Variants in EVPLL observed in about 807,000 individuals in gnomAD.
EVPLL encodes the protein envoplakin-like protein.
Under a neutral mutation model 46.2 loss-of-function variants are expected in EVPLL, and 39 were observed. The ratio of observed to expected loss-of-function variants is 0.84; its 90% CI spans 0.65 to 1.10. EVPLL has a LOEUF of 1.10. Ranked by LOEUF, EVPLL falls within the 50% of genes least tolerant of loss-of-function variation. The pLI is 0.00. For missense variants in EVPLL, 385 were observed against 412.6 expected (o/e 0.93, Z 0.58); for synonymous variants, 156 against 165.8 (o/e 0.94, Z 0.46).
Position 18,383,604 on chromosome 17 carries a change from C to T in EVPLL, c.876+17C>T. The T allele has an allele frequency of 1.3e-6, 1 of 786,868 alleles. No homozygotes were observed. The highest frequency in any genetic ancestry group is 1.8e-6 in the Non-Finnish European group (1 of 545,256). The allele number at this position is 786,868 out of a possible 1,614,324, so 48.7% of individuals were successfully genotyped here. On this transcript the variant is annotated intron_variant, in intron 9 of 10. Transcript: ENST00000399134. Reference sequence around the variant, plus strand: ...TACAGCCGGGTGAGCCCTCGGGCAGCGGCAGGGCGGCAGGGCGGCAGGGCG... The same window carrying T: ...TACAGCCGGGTGAGCCCTCGGGCAGTGGCAGGGCGGCAGGGCGGCAGGGCG...
In EVPLL at chr17:18,381,059, T is replaced by C. The variant is rs1598094911; in HGVS notation, c.63+59T>C. 1 of 1,541,470 alleles carries C rather than the reference T, an allele frequency of 6.5e-7. No individual in the cohort carries two copies. Among genetic ancestry groups the C allele is most frequent in the East Asian group, 2.4e-5 (1 of 40,864 alleles). On this transcript the variant is annotated intron_variant, in intron 2 of 10. Coordinates refer to ENST00000399134, the MANE Select transcript of EVPLL (RefSeq NM_001145127.2). This position sits in a 1 kb window ranked among gnomAD's most constrained non-coding sequence, Gnocchi z 4.2. ...CAGGCTGGGTGGCATGGGAGGCCCA[T>C]CATCAGGCCTGGCACTCCCTGAGTG...
intron 9 of EVPLL, 190 bp from the exon 10 acceptor site, chr17:18,388,027 CAT>C (rs1254660225): frequency 6.3e-3 from 534 of 84,516 alleles, no homozygotes; most frequent in East Asian, 0.014. Flanking sequence ...TCTCTCTCTC[CAT>C]ATATATATAT....
chr17:18,383,430 G>A (rs541676494), intron 8 of EVPLL, 52 bp downstream of exon 8: 2 of 1,544,536 alleles, frequency 1.3e-6, no homozygotes, highest in East Asian at 2.4e-5. Context: ...GCGGGGAAGG[G>A]GGGGGTGGAC....
At chr17:18,384,869 C>T (rs1011849643) in intron 9 of EVPLL, among the ~76,000 whole-genome samples, 1 of 152,158 alleles carries the variant, frequency 6.6e-6, no homozygotes, top group African/African-American at 2.4e-5. Context: ...GTGCTCCTCC[C>T]ACTCACTGGC....
chr17:18,381,291 C>G lies in EVPLL; in HGVS notation c.64-76C>G. The G allele has an allele frequency of 6.8e-7, 1 of 1,473,350 alleles. No individual in the cohort carries two copies. The highest frequency in any genetic ancestry group is 9.0e-7 in the Non-Finnish European group (1 of 1,111,066). The allele number at this position is 1,473,350 out of a possible 1,614,324, so 91.3% of individuals were successfully genotyped here. ...CATAGCTGGGGTCCCAAAGGTGGGG[C>G]TCAGGCCCACAATGATGGGCAGCAG... is the stretch of plus-strand genomic sequence containing the variant. On this transcript the variant is annotated intron_variant, in intron 2 of 10. Transcript: ENST00000399134. This position sits in a 1 kb window ranked among gnomAD's most constrained non-coding sequence, Gnocchi z 4.2.
rs570145 is a variant in EVPLL, at chr17:18,380,948, G to A, written c.11G>A (p.Ser4Asn). The A allele has an allele frequency of 0.59, 942,887 of 1,592,840 alleles. 283,598 individuals are homozygous for A. Among genetic ancestry groups the A allele is most frequent in the African/African-American group, 0.71 (52,990 of 74,406 alleles). The stretch of plus-strand genomic sequence containing the variant: ...CTGCTCATCTCCCACATGCAAGCCA[G>A]CGCCGACCAGGTGGAGCGGGACATC... Reference protein sequence around the residue: MQASADQVERDILE... With the variant: MQANADQVERDILE... The change falls in exon 2 of 11, where the codon AGC (serine) becomes AAC (asparagine). Residue 4 changes from serine (S) to asparagine (N), a missense_variant. Physicochemically the swap from Ser to Asn is conservative, Grantham distance 46 (BLOSUM62 1). Transcript: ENST00000399134.
At position 18,382,603 on chromosome 17, in the gene EVPLL, G is replaced by A. The variant is rs1346120196; in HGVS notation, c.437G>A (p.Arg146Gln). ...CAACATCGTGCAGAAGGAGATCAACGACCAAGGAGAGCAGCTGCGGAGCCT... is the reference window on the plus strand; with the variant it reads ...CAACATCGTGCAGAAGGAGATCAACAACCAAGGAGAGCAGCTGCGGAGCCT... The part of the protein sequence containing the change: ...GAQHRAEGDQ[R>Q]PRRAAAEPGG... Residue 146 changes from arginine (R) to glutamine (Q), a missense_variant, in exon 5 of 11, where the codon CGA (arginine) becomes CAA (glutamine). By Grantham distance (43) the Arg-to-Gln change is conservative. Coordinates refer to ENST00000399134, the MANE Select transcript of EVPLL (RefSeq NM_001145127.2). 3.2e-6 allele frequency: 5 copies of A among 1,551,940 alleles called. No homozygotes were observed. The South Asian group carries it at 4.8e-5, about 15-fold the overall frequency.
rs182498101 is a variant in EVPLL at position 18,383,140 on chromosome 17, G to A, written c.627G>A (p.Trp209Ter). The A allele has an allele frequency of 1.3e-3, 2,071 of 1,552,052 alleles. 21 individuals carry two copies. In the African/African-American group the frequency reaches 0.025, roughly 19 times the overall value. Residue 209 changes from tryptophan (W) to a stop codon, truncating the protein, a stop_gained, in exon 7 of 11, where the codon TGG (tryptophan) becomes TGA (stop). Transcript: ENST00000399134. LOFTEE classifies it high-confidence loss of function. ...EQQRRILQQD[W>*]SDLMADPAGV... Reference sequence around the variant, plus strand: ...AGCGCCGCATCCTGCAGCAGGACTGGAGCGACCTCATGGCCGACCCTGCGG... The same window carrying A: ...AGCGCCGCATCCTGCAGCAGGACTGAAGCGACCTCATGGCCGACCCTGCGG...
chr17:18,378,108 C>T (rs1041892986), intron 1 of EVPLL, 125 bp downstream of exon 1: 10 of 366,374 alleles, frequency 2.7e-5, no homozygotes, highest in African/African-American at 1.9e-4. Context: ...TTTGGTGTCC[C>T]GAGGACAAAG....
At position 18,383,590 on chromosome 17, in the gene EVPLL, G is replaced by A. The variant is rs1401408142; in HGVS notation, c.876+3G>A. 4 of 1,187,380 alleles carry A rather than the reference G, an allele frequency of 3.4e-6. No individual in the cohort carries two copies. The highest frequency in any genetic ancestry group is 4.4e-6 in the Non-Finnish European group (4 of 905,270). 73.6% of individuals were successfully genotyped at this position (1,187,380 alleles called of 1,614,324 possible). A position where few individuals can be genotyped will look rare whatever the true frequency, so the allele number is the denominator to read the frequency against. On this transcript the variant is annotated splice_donor_region_variant and intron_variant, in intron 9 of 10. Transcript: ENST00000399134. ...AGCACGTGGAGGACTACAGCCGGGTGAGCCCTCGGGCAGCGGCAGGGCGGC... is the reference window on the plus strand; with the variant it reads ...AGCACGTGGAGGACTACAGCCGGGTAAGCCCTCGGGCAGCGGCAGGGCGGC...
chr17:18,381,577 T>G lies in EVPLL; in HGVS notation c.219-26T>G. The G allele has an allele frequency of 6.2e-7, 1 of 1,613,960 alleles. No individual in the cohort carries two copies. The highest frequency in any genetic ancestry group is 8.5e-7 in the Non-Finnish European group (1 of 1,179,956). The stretch of plus-strand genomic sequence containing the variant: ...CCTGGGGAAGACCCAGGCCCAGCCC[T>G]GACCTGCTGGCCACCTTCTTGACAG... On this transcript the variant is annotated intron_variant, in intron 3 of 10. Coordinates refer to ENST00000399134, the MANE Select transcript of EVPLL (RefSeq NM_001145127.2). The surrounding 1 kb of genome is among the most constrained non-coding windows in gnomAD (Gnocchi z 4.2).
Position 18,382,494 on chromosome 17 carries a change from G to A in EVPLL, c.347-19G>A, listed in dbSNP as rs1216032994. ...TCCACCCTGGTCCTGTGGTGACTGA[G>A]CCGCCGGCTCTCCTGCAGAAGCTGG... On this transcript the variant is annotated intron_variant, in intron 4 of 10. Transcript: ENST00000399134. 1 of 1,551,384 alleles carries A rather than the reference G, an allele frequency of 6.4e-7. No homozygotes were observed.
chr17:18,382,482 T>A, intron 4 of EVPLL, 31 bp from the exon 5 acceptor site: 1 of 1,550,934 alleles, frequency 6.4e-7, no homozygotes, highest in Admixed American at 2.0e-5. Context: ...ACCCTGGTCC[T>A]GTGGTGACTG....
At position 18,381,395 on chromosome 17, in the gene EVPLL, C is replaced by A. The variant is rs775094742; in HGVS notation, c.92C>A (p.Ala31Asp). 14 of 1,589,820 alleles carry A rather than the reference C, an allele frequency of 8.8e-6. No individual in the cohort carries two copies. The highest frequency in any genetic ancestry group is 1.1e-5 in the Non-Finnish European group (13 of 1,169,214). ...QDRLNSEQSQ[A>D]LQHQQETGSS... ...CGGCTGAACAGTGAGCAGAGCCAGG[C>A]CCTGCAGCACCAGCAGGAGACGGGC... The change falls in exon 3 of 11, where the codon GCC becomes GAC. Residue 31 changes from alanine to aspartate, a missense_variant. Physicochemically the swap from Ala to Asp is moderately radical, Grantham distance 126. Transcript: ENST00000399134. This position sits in a 1 kb window ranked among gnomAD's most constrained non-coding sequence, Gnocchi z 4.2.
chr17:18,378,041 C>A, intron 1 of EVPLL, 58 bp downstream of exon 1: 1 of 523,568 alleles, frequency 1.9e-6, no homozygotes, highest in Non-Finnish European at 3.1e-6. Flanking sequence ...GTGCCAGGCC[C>A]AGGTCCTTGA....
chr17:18,383,218 C>G, intron 7 of EVPLL, 33 bp downstream of exon 7: 1 of 1,546,178 alleles, frequency 6.5e-7, no homozygotes, highest in Non-Finnish European at 8.7e-7. Context: ...CAGGCGGGGG[C>G]GACCAGGGCC....
chr17:18,381,834 T>G lies in EVPLL; in HGVS notation c.346+104T>G, dbSNP rs2151628135. 6.4e-7 allele frequency: 1 copy of G among 1,556,272 alleles called. No homozygotes were observed. On this transcript the variant is annotated intron_variant, in intron 4 of 10. Transcript: ENST00000399134. The surrounding 1 kb of genome is among the most constrained non-coding windows in gnomAD (Gnocchi z 4.2). ...CTTGAACAGTCAGTGTATAGTGGTGTCTCAGGGGTCTGGGCAGGGAGACAG... is the reference window on the plus strand; with the variant it reads ...CTTGAACAGTCAGTGTATAGTGGTGGCTCAGGGGTCTGGGCAGGGAGACAG...
intron 7 of EVPLL, 26 bp from the exon 8 acceptor site, chr17:18,383,245 C>T (rs765539127): frequency 3.3e-5 from 51 of 1,558,394 alleles, no homozygotes; most frequent in Non-Finnish European, 4.4e-5. Context: ...GTCCTCACCG[C>T]CGCTCCCCAC....
intron 1 of EVPLL, chr17:18,379,901 A>C (rs1302594900): frequency 1.3e-5 from 2 of 152,400 alleles, no homozygotes; most frequent in East Asian, 1.9e-4. Context: ...ACGAGTGAGG[A>C]ACCTCAGGCA....
Sources: allele counts gnomAD v4.1 joint callset (sites outside exome capture counted in the v4.1 genomes callset), GRCh38; gene constraint gnomAD v4.1.1; non-coding constraint Gnocchi (gnomAD v3.1); transcripts MANE v1.5; gene names NCBI Gene and HGNC (gene_info 2026-07-23, HGNC 2026-07-21).